The following DCUN1D1 variants were observed in gnomAD, a reference collection of about 807,000 sequenced individuals.
The protein encoded by DCUN1D1 is DCN1-like protein 1.
A neutral mutation model predicts 39.0 loss-of-function variants in DCUN1D1; 3 were observed. The ratio of observed to expected loss-of-function variants is 0.08; its 90% CI spans 0.04 to 0.20. DCUN1D1 has a LOEUF of 0.20. Ranked by LOEUF, DCUN1D1 falls within the 10% of genes least tolerant of loss-of-function variation. The probability of loss-of-function intolerance (pLI) is 1.00; values close to 1 mark genes in which losing one functional copy is unlikely to be tolerated. For missense variants in DCUN1D1, 158 were observed against 302.4 expected (o/e 0.52, Z 3.54); for synonymous variants, 82 against 96.3 (o/e 0.85, Z 0.87).
At chr3:182,976,487 A>ACACACT (rs1728248260) in intron 1 of DCUN1D1, among the ~76,000 whole-genome samples, 1 of 142,452 alleles carries the variant, frequency 7.0e-6, no homozygotes, top group Non-Finnish European at 1.5e-5. Flanking sequence ...ACACACACAC[A>ACACACT]CTGCTCCAGC....
chr3:182,981,533 A>G (rs1728550829), upstream of DCUN1D1, among the ~76,000 whole-genome samples: 1 of 152,148 alleles, frequency 6.6e-6, no homozygotes, highest in South Asian at 2.1e-4. Flanking sequence ...AGTTGGAGAG[A>G]TAAGACACCT....
chr3:182,954,859 T>C (rs1040622315), intron 4 of DCUN1D1, among the ~76,000 whole-genome samples: 1 of 152,230 alleles, frequency 6.6e-6, no homozygotes, highest in African/African-American at 2.4e-5. Flanking sequence ...TCCTTTCTTA[T>C]ACAACCATCA....
chr3:182,967,259 G>A (rs9832394), intron 1 of DCUN1D1, among the ~76,000 whole-genome samples: 3,928 of 151,730 alleles, frequency 0.026, 178 homozygotes, highest in African/African-American at 0.088. Context: ...ACAGATCAGA[G>A]AACCTTAACC....
At chr3:182,972,457 A>G (rs1727992176) in intron 1 of DCUN1D1, among the ~76,000 whole-genome samples, 1 of 152,206 alleles carries the variant, frequency 6.6e-6, no homozygotes, top group African/African-American at 2.4e-5. Flanking sequence ...TGCACTTTGA[A>G]TAACTCTTGA....
At position 182,942,330 on chromosome 3, in the gene DCUN1D1, T is replaced by C. The variant is rs1560156203; in HGVS notation, c.*2764A>G. ...AGTTTTCAGGTATATTTTAAATCTA[T>C]AAAAAAAATACACTGAAATATGTGA... On this transcript the variant is annotated 3_prime_UTR_variant, in exon 7 of 7. Transcript: ENST00000292782. 1 of 151,826 alleles carries C rather than the reference T, an allele frequency of 6.6e-6. No homozygotes were observed. The highest frequency in any genetic ancestry group is 1.5e-5 in the Non-Finnish European group (1 of 67,928). The allele number at this position is 151,826 out of a possible 1,614,324, so 9.4% of individuals were successfully genotyped here.
At chr3:182,954,778 A>T (rs970057626) in intron 4 of DCUN1D1, among the ~76,000 whole-genome samples, 3 of 152,186 alleles carry the variant, frequency 2.0e-5, no homozygotes, top group African/African-American at 7.2e-5. Context: ...ATTTACCAAA[A>T]GGCACTTACT....
intron 1 of DCUN1D1, among the ~76,000 whole-genome samples, chr3:182,968,891 C>T (rs762613627): frequency 1.3e-5 from 2 of 152,164 alleles, no homozygotes; most frequent in African/African-American, 2.4e-5. Flanking sequence ...TGAGCCACCG[C>T]GCCAGGCCAA....
In DCUN1D1 at chr3:182,980,495, T is replaced by C; in HGVS notation, c.-6A>G. On this transcript the variant is annotated 5_prime_UTR_variant, in exon 1 of 7. Coordinates refer to ENST00000292782, the MANE Select transcript of DCUN1D1 (RefSeq NM_020640.4). ...CGGCCGCAGTGCCTCACCATGTTGG[T>C]GTCCTCCAGGCCTCTCCCCTCCTCC... 1 of 1,238,590 alleles carries C rather than the reference T, an allele frequency of 8.1e-7. No individual in the cohort carries two copies. Among genetic ancestry groups the C allele is most frequent in the Non-Finnish European group, 1.0e-6 (1 of 970,654 alleles). The allele number at this position is 1,238,590 out of a possible 1,614,324, so 76.7% of individuals were successfully genotyped here. A position where few individuals can be genotyped will look rare whatever the true frequency, so the allele number is the denominator to read the frequency against.
In DCUN1D1 at chr3:182,944,974, C is replaced by T; in HGVS notation, c.*120G>A. ...ATGTATCCTTAAAGTTTTGTCTCAA[C>T]CCTCAGTCTGAATTGTGAGGATTGA... is the stretch of plus-strand genomic sequence containing the variant. On this transcript the variant is annotated 3_prime_UTR_variant, in exon 7 of 7. Transcript: ENST00000292782. 1 of 811,884 alleles carries T rather than the reference C, an allele frequency of 1.2e-6. No individual in the cohort carries two copies. Among genetic ancestry groups the T allele is most frequent in the East Asian group, 2.6e-5 (1 of 38,948 alleles). The allele number at this position is 811,884 out of a possible 1,614,324, so 50.3% of individuals were successfully genotyped here.
chr3:182,979,974 G>C (rs1000153757), intron 1 of DCUN1D1: 84 of 166,148 alleles, frequency 5.1e-4, no homozygotes, highest in Non-Finnish European at 3.5e-4. Flanking sequence ...GGGTATTGGA[G>C]CCGGGAGCGG....
Position 182,945,037 on chromosome 3 carries a change from A to C in DCUN1D1, c.*57T>G. ...TCCAGCCAGCAGAAATTGACTGTGC[A>C]ATTTTCTGTTGTATTTATTGTACAG... is the stretch of plus-strand genomic sequence containing the variant. On this transcript the variant is annotated 3_prime_UTR_variant, in exon 7 of 7. Transcript: ENST00000292782. 6.9e-7 allele frequency: 1 copy of C among 1,439,166 alleles called. No individual in the cohort carries two copies. The highest frequency in any genetic ancestry group is 9.7e-7 in the Non-Finnish European group (1 of 1,025,918). 89.1% of individuals were successfully genotyped at this position (1,439,166 alleles called of 1,614,324 possible). A position where few individuals can be genotyped will look rare whatever the true frequency, so the allele number is the denominator to read the frequency against.
At chr3:182,959,862 T>C (rs1727293233) in intron 4 of DCUN1D1, among the ~76,000 whole-genome samples, 1 of 152,190 alleles carries the variant, frequency 6.6e-6, no homozygotes, top group Non-Finnish European at 1.5e-5. Flanking sequence ...TATTCTCCTT[T>C]TGCAACAGTG....
intron 4 of DCUN1D1, among the ~76,000 whole-genome samples, chr3:182,950,437 C>T (rs1158908501): frequency 4.6e-5 from 7 of 151,992 alleles, no homozygotes; most frequent in East Asian, 1.9e-4. Context: ...TGAGCCACCG[C>T]GCCCAGCCAA....
rs1393633792 is a variant in DCUN1D1 at position 182,941,683 on chromosome 3, ATAAG to A, written c.*3407_*3410del. On this transcript the variant is annotated 3_prime_UTR_variant, in exon 7 of 7. Coordinates refer to ENST00000292782, the MANE Select transcript of DCUN1D1 (RefSeq NM_020640.4). ...AACATTAAAACTGCTGAGGTGCCAG[ATAAG>A]TATTTTCTGTTAAATATACACAATT... The A allele has an allele frequency of 6.6e-6, 1 of 152,160 alleles. No individual in the cohort carries two copies. The highest frequency in any genetic ancestry group is 1.5e-5 in the Non-Finnish European group (1 of 67,988). The allele number at this position is 152,160 out of a possible 1,614,324, so 9.4% of individuals were successfully genotyped here.
At position 182,980,510 on chromosome 3, in the gene DCUN1D1, T is replaced by TC; in HGVS notation, c.-22dup. The TC allele has an allele frequency of 8.1e-7, 1 of 1,239,156 alleles. No homozygotes were observed. The highest frequency in any genetic ancestry group is 1.0e-6 in the Non-Finnish European group (1 of 971,750). 76.8% of individuals were successfully genotyped at this position (1,239,156 alleles called of 1,614,324 possible). A position where few individuals can be genotyped will look rare whatever the true frequency, so the allele number is the denominator to read the frequency against. On this transcript the variant is annotated 5_prime_UTR_variant, in exon 1 of 7. Transcript: ENST00000292782. ...ACCATGTTGGTGTCCTCCAGGCCTC[T>TC]CCCCTCCTCCTCCGGCTCCGCAGCG...
At chr3:182,963,488 A>G (rs1316943476) in intron 3 of DCUN1D1, among the ~76,000 whole-genome samples, 1 of 152,218 alleles carries the variant, frequency 6.6e-6, no homozygotes, top group African/African-American at 2.4e-5. Context: ...TCAAAGTGTT[A>G]AGTGAAACAA....
At chr3:182,962,452 G>GTAA (rs150344917) in intron 3 of DCUN1D1, among the ~76,000 whole-genome samples, 97 of 152,306 alleles carry the variant, frequency 6.4e-4, no homozygotes, top group African/African-American at 2.2e-3. Flanking sequence ...AGAGGGCAAG[G>GTAA]GTTTTAGTGT....
chr3:182,955,079 T>C (rs1350056622), intron 4 of DCUN1D1, among the ~76,000 whole-genome samples: 2 of 151,992 alleles, frequency 1.3e-5, no homozygotes. Flanking sequence ...TCGCTCTTGC[T>C]GTCCAAAATG....
upstream of DCUN1D1, among the ~76,000 whole-genome samples, chr3:182,984,398 C>A (rs1728659778): frequency 6.6e-6 from 1 of 152,028 alleles, no homozygotes; most frequent in Admixed American, 6.6e-5. Context: ...CAATATTTAA[C>A]AAAATAATAT....
Sources: allele counts gnomAD v4.1 joint callset (sites outside exome capture counted in the v4.1 genomes callset), GRCh38; gene constraint gnomAD v4.1.1; transcripts MANE v1.5; gene names NCBI Gene and HGNC (gene_info 2026-07-23, HGNC 2026-07-21).